CUZD1: variants seen among roughly 807,000 people sequenced by gnomAD.
The protein encoded by CUZD1 is CUB and zona pellucida like domains 1, also known as CUB and zona pellucida-like domain-containing protein 1.
Under a neutral mutation model 53.1 loss-of-function variants are expected in CUZD1, and 42 were observed. That is an observed-to-expected ratio of 0.79 (90% CI 0.62 to 1.02). The LOEUF (loss-of-function observed/expected upper bound fraction) is 1.02. CUZD1 is among the 50% of genes least tolerant of loss of function. The pLI is 0.00. For synonymous variants in CUZD1, 238 were observed against 257.2 expected, an observed-to-expected ratio of 0.93 and a Z score of 0.71; for missense variants, 670 against 715.7, an observed-to-expected ratio of 0.94 and a Z score of 0.73.
intron 7 of CUZD1, among the ~76,000 whole-genome samples, chr10:122,834,419 C>T (rs117383616): frequency 1.4e-4 from 21 of 152,124 alleles, no homozygotes; most frequent in East Asian, 1.9e-4. Flanking sequence ...AAAACCAAAA[C>T]GCAAATAGAG....
rs369603738 is a variant in CUZD1 at position 122,836,939 on chromosome 10, C to A, written c.709G>T (p.Glu237Ter). The change falls in exon 5 of 9, where the codon GAA (glutamate) becomes TAA (stop). Residue 237 changes from glutamate (E) to a stop codon, truncating the protein, a stop_gained. Transcript: ENST00000392790. LOFTEE classifies it high-confidence loss of function. ...QVCGRVTPTF[E>*]SSSNSLTVVL... is the part of the protein sequence containing the mutation. ...ACAGTCAGAGAGTTTGATGACGATT[C>A]GAAGGTGGGAGTCACACGGCCACAG... 8 of 1,613,900 alleles carry A rather than the reference C, an allele frequency of 5.0e-6. No homozygotes were observed. The highest frequency in any genetic ancestry group is 5.9e-6 in the Non-Finnish European group (7 of 1,179,976).
At chr10:122,838,941 T>C in intron 3 of CUZD1, 76 bp downstream of exon 3, 1 of 1,139,170 alleles carries the variant, frequency 8.8e-7, no homozygotes, top group Non-Finnish European at 1.3e-6. Context: ...CTGAAGATTA[T>C]AAGAACCCGG....
At chr10:122,839,411 A>T (rs1847301845) in intron 2 of CUZD1, among the ~76,000 whole-genome samples, 180 bp from the exon 3 acceptor site, 1 of 152,324 alleles carries the variant, frequency 6.6e-6, no homozygotes, top group African/African-American at 2.4e-5. Flanking sequence ...CAAACTGTCA[A>T]CTTTAATGGG....
chr10:122,844,367 G>T (rs1847399746), intron 1 of CUZD1, among the ~76,000 whole-genome samples: 1 of 151,970 alleles, frequency 6.6e-6, no homozygotes, highest in Admixed American at 6.6e-5. Context: ...TGAAGAATAT[G>T]TTCTGGAATT....
At chr10:122,840,148 G>C (rs1474673985) in intron 2 of CUZD1, among the ~76,000 whole-genome samples, 1 of 152,188 alleles carries the variant, frequency 6.6e-6, no homozygotes, top group African/African-American at 2.4e-5. Flanking sequence ...AACCATTCCA[G>C]GAAATTTGAG....
chr10:122,845,648 A>G, intron 1 of CUZD1, 114 bp downstream of exon 1: 1 of 742,212 alleles, frequency 1.3e-6, no homozygotes, highest in Non-Finnish European at 2.2e-6. Context: ...ATTAGAGTAC[A>G]TTTTTCTCTG....
At chr10:122,844,775 T>C (rs114520018) in intron 1 of CUZD1, among the ~76,000 whole-genome samples, 217 of 152,256 alleles carry the variant, frequency 1.4e-3, no homozygotes, top group African/African-American at 5.0e-3. Flanking sequence ...CAAATAAAAT[T>C]AGTACTAATT....
At chr10:122,835,961 T>C (rs1847243999) in intron 6 of CUZD1, among the ~76,000 whole-genome samples, 1 of 152,182 alleles carries the variant, frequency 6.6e-6, no homozygotes, top group South Asian at 2.1e-4. Context: ...CTGGGAAAGA[T>C]AACTATCCCC....
intron 5 of CUZD1, 69 bp from the exon 6 acceptor site, chr10:122,836,419 G>A: frequency 2.3e-6 from 3 of 1,306,856 alleles, no homozygotes; most frequent in Non-Finnish European, 3.1e-6. Context: ...ATCTTGAAGA[G>A]CTACGTGTGC....
intron 1 of CUZD1, among the ~76,000 whole-genome samples, chr10:122,842,097 T>G (rs539061988): frequency 9.6e-4 from 146 of 152,182 alleles, no homozygotes; most frequent in Non-Finnish European, 1.4e-3. Flanking sequence ...ACAGTGTCTT[T>G]CCCAAAACAA....
intron 3 of CUZD1, among the ~76,000 whole-genome samples, chr10:122,838,684 C>T (rs910237488): frequency 6.6e-6 from 1 of 152,168 alleles, no homozygotes; most frequent in Admixed American, 6.5e-5. Context: ...GCAGAATCTC[C>T]GCTTTGGGCT....
intron 2 of CUZD1, 85 bp from the exon 3 acceptor site, chr10:122,839,316 A>G: frequency 8.5e-7 from 1 of 1,179,254 alleles, no homozygotes; most frequent in East Asian, 2.3e-5. Flanking sequence ...CTAGGCATGT[A>G]AATTTACAAA....
chr10:122,844,639 G>A (rs549870127), intron 1 of CUZD1, among the ~76,000 whole-genome samples: 14 of 152,230 alleles, frequency 9.2e-5, no homozygotes, highest in Admixed American at 2.6e-4. Context: ...AGGCCAAAGC[G>A]GGTGGATCAC....
chr10:122,833,133 T>A (rs1006947913), intron 8 of CUZD1, among the ~76,000 whole-genome samples: 4 of 152,228 alleles, frequency 2.6e-5, no homozygotes, highest in African/African-American at 9.6e-5. Context: ...TTAAGCCATT[T>A]AATTATGAAC....
Position 122,833,932 on chromosome 10 carries a change from C to A in CUZD1, c.1391G>T (p.Arg464Leu). The A allele has an allele frequency of 1.2e-6, 2 of 1,611,872 alleles. No individual in the cohort carries two copies. Among genetic ancestry groups the A allele is most frequent in the Non-Finnish European group, 1.7e-6 (2 of 1,178,838 alleles). ...GGGATACACCTTACAAGTTTCATCT[C>A]GACTACATCTGGAACAGAATTTATG... ...TYDLIKSGCSRDETCKVYPLF... is the reference protein window; with the variant it reads ...TYDLIKSGCSLDETCKVYPLF... Residue 464 changes from arginine (R) to leucine (L), a missense_variant, in exon 8 of 9, where the codon CGA (arginine) becomes CTA (leucine). Physicochemically the swap from Arg to Leu is moderately radical, Grantham distance 102. Transcript: ENST00000392790.
In CUZD1 at chr10:122,839,104, T is replaced by C; in HGVS notation, c.361A>G (p.Ser121Gly). Residue 121 changes from serine (S) to glycine (G), a missense_variant, in exon 3 of 9, where the codon AGT becomes GGT. Coordinates refer to ENST00000392790, the MANE Select transcript of CUZD1 (RefSeq NM_022034.6). ...GTAACTATTTGAAACGTCAATGTAC[T>C]GGATGATGATTCAAATACAGGAACA... ...DYVPVFESSS[S>G]TLTFQIVTDS... 3 of 1,614,116 alleles carry C rather than the reference T, an allele frequency of 1.9e-6. No individual in the cohort carries two copies. In the East Asian group the frequency reaches 6.7e-5, roughly 36 times the overall value.
At chr10:122,845,721 C>T in intron 1 of CUZD1, 41 bp downstream of exon 1, 6 of 1,582,400 alleles carry the variant, frequency 3.8e-6, no homozygotes, top group Non-Finnish European at 5.2e-6. Context: ...AAGAGAAGAA[C>T]TTCTCTGTTT....
chr10:122,840,082 C>A (rs542490732), intron 2 of CUZD1, among the ~76,000 whole-genome samples: 1 of 152,232 alleles, frequency 6.6e-6, no homozygotes, highest in African/African-American at 2.4e-5. Context: ...GCTCTTCCCA[C>A]AATTTCTCTT....
At chr10:122,836,810 A>G in intron 5 of CUZD1, 21 bp downstream of exon 5, 1 of 1,576,982 alleles carries the variant, frequency 6.3e-7, no homozygotes, top group Non-Finnish European at 8.7e-7. Flanking sequence ...AAAATAGCTA[A>G]GAATATAAAA....
Sources: allele counts gnomAD v4.1 joint callset (sites outside exome capture counted in the v4.1 genomes callset), GRCh38; gene constraint gnomAD v4.1.1; transcripts MANE v1.5; gene names NCBI Gene and HGNC (gene_info 2026-07-23, HGNC 2026-07-21).